Variants in IQSEC1 observed in about 807,000 individuals in gnomAD.
IQSEC1 encodes the protein IQ motif and Sec7 domain ArfGEF 1.
Under a neutral mutation model 91.0 loss-of-function variants are expected in IQSEC1, and 31 were observed. The ratio of observed to expected loss-of-function variants is 0.34; its 90% CI spans 0.26 to 0.46. IQSEC1 has a LOEUF of 0.46. Ranked by LOEUF, IQSEC1 falls within the 20% of genes least tolerant of loss-of-function variation. IQSEC1 has a pLI of 1.00. For missense variants in IQSEC1, 1,388 were observed against 1,575.6 expected (o/e 0.88, Z 2.02); for synonymous variants, 699 against 662.6 (o/e 1.05, Z -0.84).
intron 1 of IQSEC1, among the ~76,000 whole-genome samples, chr3:13,191,387 C>T (rs1211068121): frequency 6.6e-6 from 1 of 151,904 alleles, no homozygotes; most frequent in African/African-American, 2.4e-5. Flanking sequence ...CCAGGGAAAA[C>T]CACAGCCGTG....
At chr3:12,965,021 A>G (rs1400992440) in intron 1 of IQSEC1, among the ~76,000 whole-genome samples, 1 of 152,214 alleles carries the variant, frequency 6.6e-6, no homozygotes, top group South Asian at 2.1e-4. Context: ...CTTGAGTGAA[A>G]GCCTGAAAAT....
At chr3:13,053,000 C>G (rs1202879746) in intron 1 of IQSEC1, 1 of 1,204,232 alleles carries the variant, frequency 8.3e-7, no homozygotes, top group Admixed American at 1.7e-5. Flanking sequence ...TCCAATGTCT[C>G]CTTTTGGAGT....
rs775893815 is a variant in IQSEC1, at chr3:12,900,896, G to T, written c.*87C>A. 1.1e-5 allele frequency: 17 copies of T among 1,535,558 alleles called. No individual in the cohort carries two copies. Among genetic ancestry groups the T allele is most frequent in the Non-Finnish European group, 1.4e-5 (16 of 1,146,444 alleles). ...GGAGAGATGGCAACAGAAGTGCCCC[G>T]GGTTTGGTGTGCGGCTGGCGACCCC... On this transcript the variant is annotated 3_prime_UTR_variant, in exon 14 of 14. Coordinates refer to ENST00000613206, the MANE Select transcript of IQSEC1 (RefSeq NM_001134382.3).
chr3:12,952,326 T>C (rs1430576216), intron 1 of IQSEC1, among the ~76,000 whole-genome samples: 1 of 152,132 alleles, frequency 6.6e-6, no homozygotes, highest in Non-Finnish European at 1.5e-5. Flanking sequence ...CGGGGTGCAG[T>C]TGGGGTCCTT....
rs71306028 is a variant in IQSEC1 at position 12,938,472 on chromosome 3, G to C, written c.319-1775C>G. On this transcript the variant is annotated intron_variant, in intron 2 of 13. Coordinates refer to ENST00000613206, the MANE Select transcript of IQSEC1 (RefSeq NM_001134382.3). ...GGCTGGGTGGAGGAGAAGAGCTGGG[G>C]GGGCTTGAGGGGAGCAGATCAAAAT... is the stretch of plus-strand genomic sequence containing the variant. Among the ~76,000 whole-genome samples the C allele has an allele frequency of 6.4e-3, 969 of 152,290 alleles. 8 individuals are homozygous for C. Among genetic ancestry groups the C allele is most frequent in the Non-Finnish European group, 9.6e-3 (654 of 68,014 alleles).
intron 1 of IQSEC1, among the ~76,000 whole-genome samples, chr3:12,960,003 G>T (rs542852810): frequency 6.6e-6 from 1 of 152,014 alleles, no homozygotes; most frequent in Admixed American, 6.5e-5. Flanking sequence ...ACGTTCCTGC[G>T]ACCGCACCTC....
At chr3:13,072,452 A>T (rs1705467232) in intron 1 of IQSEC1, among the ~76,000 whole-genome samples, 1 of 152,212 alleles carries the variant, frequency 6.6e-6, no homozygotes, top group East Asian at 1.9e-4. Context: ...GAGGCCCAGC[A>T]CACAGCCGCT....
At chr3:13,165,861 G>C (rs1039354662) in intron 1 of IQSEC1, among the ~76,000 whole-genome samples, 14 of 152,248 alleles carry the variant, frequency 9.2e-5, no homozygotes, top group African/African-American at 3.1e-4. Context: ...GGGTGCCCTG[G>C]TCCACTGTGC....
At chr3:12,911,450 T>C (rs770379447) in intron 10 of IQSEC1, among the ~76,000 whole-genome samples, 179 bp downstream of exon 10, 5 of 152,230 alleles carry the variant, frequency 3.3e-5, no homozygotes, top group Non-Finnish European at 5.9e-5. Flanking sequence ...AGCTGACTGA[T>C]GGGCCTCTTG....
chr3:13,241,099 G>C (rs1055622939), intron 1 of IQSEC1, among the ~76,000 whole-genome samples: 4 of 152,290 alleles, frequency 2.6e-5, no homozygotes, highest in African/African-American at 9.6e-5. Flanking sequence ...ATTTCACCTT[G>C]TCAACGCCTC....
chr3:13,112,346 TC>T (rs1380901105), intron 2 of IQSEC1, among the ~76,000 whole-genome samples: 4 of 152,128 alleles, frequency 2.6e-5, no homozygotes, highest in African/African-American at 9.7e-5. Context: ...CTTGGGCAAT[TC>T]CCCGACCTCT....
At chr3:12,958,497 G>A (rs1236549288) in intron 1 of IQSEC1, among the ~76,000 whole-genome samples, 2 of 152,216 alleles carry the variant, frequency 1.3e-5, no homozygotes, top group African/African-American at 4.8e-5. Flanking sequence ...AAAATCCTCA[G>A]CCTGGGGCCT....
chr3:13,067,825 G>A (rs910810120), intron 1 of IQSEC1, among the ~76,000 whole-genome samples: 5 of 152,248 alleles, frequency 3.3e-5, no homozygotes, highest in African/African-American at 1.2e-4. Flanking sequence ...ACAAGATAAG[G>A]CACTTTTGTT....
chr3:13,166,809 G>C (rs11715580), intron 1 of IQSEC1, among the ~76,000 whole-genome samples: 55,814 of 152,068 alleles, frequency 0.37, 10,804 homozygotes, highest in Non-Finnish European at 0.43. Flanking sequence ...AGTGTCTGCT[G>C]TGGGAAGCCA....
chr3:13,265,550 G>A (rs1695473787), intron 1 of IQSEC1, among the ~76,000 whole-genome samples: 1 of 152,172 alleles, frequency 6.6e-6, no homozygotes, highest in African/African-American at 2.4e-5. Flanking sequence ...CTTCTCTCAT[G>A]CAGGAGTCTG....
At chr3:13,120,164 G>A (rs927738460) in intron 2 of IQSEC1, among the ~76,000 whole-genome samples, 1 of 152,222 alleles carries the variant, frequency 6.6e-6, no homozygotes, top group African/African-American at 2.4e-5. Context: ...CCAGAACGCA[G>A]TCTGCAGCAG....
At position 13,268,423 on chromosome 3, in the gene IQSEC1, T is replaced by A. The variant is rs116309865; in HGVS notation, c.272+14288A>T. Among the ~76,000 whole-genome samples, 1,083 of 152,310 alleles carry A rather than the reference T, an allele frequency of 7.1e-3. 8 individuals are homozygous for A. The highest frequency in any genetic ancestry group is 0.011 in the Non-Finnish European group (747 of 68,022). On this transcript the variant is annotated intron_variant, in intron 1 of 15. Coordinates refer to the IQSEC1 transcript ENST00000648114. ...GCCCATCTCATAGAAGAGACCCTTA[T>A]TGCCAGGGAAGCTGCTGTCTCCAGG...
chr3:13,198,812 C>A (rs1357893218), intron 1 of IQSEC1, among the ~76,000 whole-genome samples: 1 of 152,230 alleles, frequency 6.6e-6, no homozygotes, highest in Non-Finnish European at 1.5e-5. Flanking sequence ...CCAGTGCCTG[C>A]TGGAGCTCAT....
intron 6 of IQSEC1, 137 bp from the exon 7 acceptor site, chr3:12,915,870 C>T: frequency 1.0e-6 from 1 of 996,354 alleles, no homozygotes; most frequent in Non-Finnish European, 1.5e-6. Context: ...CCCACAGCAA[C>T]AGGACATTTT....
Sources: gnomAD v4.1 joint callset for allele counts (sites outside exome capture counted in the v4.1 genomes callset) on GRCh38, gnomAD v4.1.1 for gene constraint, MANE v1.5 for transcripts, NCBI Gene and HGNC (gene_info 2026-07-23, HGNC 2026-07-21) for gene names.